Variants in SAMD5 observed in about 807,000 individuals in gnomAD.
SAMD5 encodes sterile alpha motif domain-containing protein 5.
Under a neutral mutation model 11.3 loss-of-function variants are expected in SAMD5, and 13 were observed. The ratio of observed to expected loss-of-function variants is 1.15; its 90% CI spans 0.75 to 1.83. The LOEUF (loss-of-function observed/expected upper bound fraction) is 1.83. Ranked by LOEUF, SAMD5 falls within the 40% of genes most tolerant of loss-of-function variation. The pLI, the probability that SAMD5 is intolerant of heterozygous loss-of-function variation, is 0.00. For missense variants in SAMD5, 255 were observed against 239.1 expected, an observed-to-expected ratio of 1.07 and a Z score of -0.44; for synonymous variants, 129 against 111.3, an observed-to-expected ratio of 1.16 and a Z score of -1.00.
chr6:147,636,593 AC>A (rs1489855297), intron 1 of SAMD5, among the ~76,000 whole-genome samples: 1 of 152,126 alleles, frequency 6.6e-6, no homozygotes, highest in Non-Finnish European at 1.5e-5. Context: ...GTCACTTTTT[AC>A]CAATTTTTTT....
chr6:147,721,638 A>G (rs7753663), intron 1 of SAMD5, among the ~76,000 whole-genome samples: 4,008 of 152,042 alleles, frequency 0.026, 166 homozygotes, highest in African/African-American at 0.091. Context: ...ATTTTCTCCC[A>G]TTTTGTAGGT....
chr6:147,828,559 AAC>A, the SAMD5 span, among the ~76,000 whole-genome samples: 27 of 152,282 alleles, frequency 1.8e-4, 1 homozygote, highest in African/African-American at 5.8e-4. Context: ...AGACTGGTTT[AAC>A]CTCTGAGCCT....
chr6:147,666,981 T>C (rs557509930), intron 1 of SAMD5, among the ~76,000 whole-genome samples: 2 of 152,272 alleles, frequency 1.3e-5, no homozygotes, highest in East Asian at 1.9e-4. Context: ...GCAGTAGCCC[T>C]TTCCCCCATT....
the SAMD5 span, among the ~76,000 whole-genome samples, chr6:147,833,714 C>T: frequency 6.6e-6 from 1 of 152,260 alleles, no homozygotes; most frequent in Middle Eastern, 3.4e-3. Flanking sequence ...TTTTTTCAAT[C>T]AAGAAATACT....
intron 1 of SAMD5, chr6:147,730,071 TC>T: frequency 3.4e-6 from 1 of 296,984 alleles, no homozygotes; most frequent in South Asian, 2.2e-5. Context: ...GGTGACTCTG[TC>T]TCAAAAAAAA....
chr6:147,703,478 G>A (rs1325903627), intron 1 of SAMD5, among the ~76,000 whole-genome samples: 1 of 152,188 alleles, frequency 6.6e-6, no homozygotes, highest in East Asian at 1.9e-4. Flanking sequence ...CCATTAAGTA[G>A]TTTGATAATG....
At chr6:147,635,884 A>G (rs1231388874) in intron 1 of SAMD5, among the ~76,000 whole-genome samples, 1 of 152,206 alleles carries the variant, frequency 6.6e-6, no homozygotes, top group Non-Finnish European at 1.5e-5. Flanking sequence ...AACTATGCCA[A>G]TTCATGAGCT....
At position 147,564,563 on chromosome 6, in the gene SAMD5, A is replaced by G; in HGVS notation, c.*107A>G. ...AGGGAAATGGATGATGACCCTGGAA[A>G]TACTCATCAGCTTAACTTTTTGCTT... On this transcript the variant is annotated 3_prime_UTR_variant, in exon 2 of 2. Transcript: ENST00000367474. 1 of 1,180,826 alleles carries G rather than the reference A, an allele frequency of 8.5e-7. No individual in the cohort carries two copies. Among genetic ancestry groups the G allele is most frequent in the Non-Finnish European group, 1.2e-6 (1 of 821,306 alleles). 73.1% of individuals were successfully genotyped at this position (1,180,826 alleles called of 1,614,324 possible). A position where few individuals can be genotyped will look rare whatever the true frequency, so the allele number is the denominator to read the frequency against.
chr6:147,760,442 A>C, the SAMD5 span, among the ~76,000 whole-genome samples: 3 of 152,114 alleles, frequency 2.0e-5, no homozygotes, highest in Non-Finnish European at 2.9e-5. Flanking sequence ...AGATAAAAGG[A>C]AGTAACAAAT....
intron 1 of SAMD5, among the ~76,000 whole-genome samples, chr6:147,585,534 G>A (rs761342293): frequency 2.7e-4 from 41 of 152,074 alleles, no homozygotes; most frequent in Non-Finnish European, 4.0e-4. Context: ...TGTTTAGAAG[G>A]TGCATTAACT....
chr6:147,724,095 G>A (rs1791592106), intron 1 of SAMD5, among the ~76,000 whole-genome samples: 1 of 152,042 alleles, frequency 6.6e-6, no homozygotes, highest in Non-Finnish European at 1.5e-5. Flanking sequence ...TTTCTCATCA[G>A]TTCTTCTAAT....
the SAMD5 span, among the ~76,000 whole-genome samples, chr6:147,815,801 G>C: frequency 1.3e-5 from 2 of 152,008 alleles, no homozygotes. Flanking sequence ...AGATGGGTCA[G>C]TGTCCTATGA....
intron 1 of SAMD5, among the ~76,000 whole-genome samples, chr6:147,578,704 G>C (rs1012085979): frequency 6.6e-6 from 1 of 152,000 alleles, no homozygotes; most frequent in Non-Finnish European, 1.5e-5. Flanking sequence ...CATAATCATA[G>C]GCAAATATAT....
the SAMD5 span, among the ~76,000 whole-genome samples, chr6:147,806,194 C>T: frequency 3.3e-5 from 5 of 152,096 alleles, no homozygotes; most frequent in Non-Finnish European, 5.9e-5. Context: ...TGGGTGAATC[C>T]GTGGGATATG....
At chr6:147,722,548 G>C (rs1791570720) in intron 1 of SAMD5, among the ~76,000 whole-genome samples, 1 of 152,150 alleles carries the variant, frequency 6.6e-6, no homozygotes, top group Non-Finnish European at 1.5e-5. Flanking sequence ...TCCCTAGGCA[G>C]AAATGATTGT....
intron 1 of SAMD5, among the ~76,000 whole-genome samples, chr6:147,640,948 T>A (rs1398211336): frequency 6.6e-6 from 1 of 152,210 alleles, no homozygotes; most frequent in Non-Finnish European, 1.5e-5. Flanking sequence ...CCTCCTCACC[T>A]CCTCAAAAAT....
intron 1 of SAMD5, among the ~76,000 whole-genome samples, chr6:147,640,827 T>C (rs1790301913): frequency 6.6e-6 from 1 of 152,040 alleles, no homozygotes; most frequent in Admixed American, 6.5e-5. Context: ...ATCAATGCTA[T>C]TGACCTACAA....
chr6:147,954,670 C>G, the SAMD5 span, among the ~76,000 whole-genome samples: 1 of 150,008 alleles, frequency 6.7e-6, no homozygotes, highest in South Asian at 2.1e-4. Context: ...GACAGAGTCT[C>G]GCTCTGTCGC....
At chr6:147,526,248 C>T (rs1788337325) in intron 1 of SAMD5, among the ~76,000 whole-genome samples, 1 of 152,272 alleles carries the variant, frequency 6.6e-6, no homozygotes, top group Non-Finnish European at 1.5e-5. Context: ...GCATTTTAGC[C>T]TATTACGTGA....
Sources: allele counts gnomAD v4.1 joint callset (sites outside exome capture counted in the v4.1 genomes callset), GRCh38; gene constraint gnomAD v4.1.1; transcripts MANE v1.5; gene names NCBI Gene and HGNC (gene_info 2026-07-23, HGNC 2026-07-21).